Variants in TRPC4AP observed in about 807,000 individuals in gnomAD.
The protein encoded by TRPC4AP is transient receptor potential cation channel subfamily C member 4 associated protein.
Under a neutral mutation model 99.0 loss-of-function variants are expected in TRPC4AP, and 45 were observed. That is an observed-to-expected ratio of 0.45 (90% CI 0.36 to 0.58). The LOEUF (loss-of-function observed/expected upper bound fraction) is 0.58. Ranked by LOEUF, TRPC4AP falls within the 20% of genes least tolerant of loss-of-function variation. TRPC4AP has a pLI of 0.00. For missense variants in TRPC4AP, 879 were observed against 985.3 expected (o/e 0.89, Z 1.44); for synonymous variants, 408 against 385.8 (o/e 1.06, Z -0.67).
intron 2 of TRPC4AP, among the ~76,000 whole-genome samples, chr20:35,071,088 CTA>C (rs1279570575): frequency 6.6e-6 from 1 of 152,120 alleles, no homozygotes; most frequent in East Asian, 1.9e-4. Context: ...ATAATTATTT[CTA>C]TCAGACTGTG....
In TRPC4AP at chr20:35,016,050, G is replaced by A; in HGVS notation, c.1308C>T (p.Ala436=). Residue 436 remains alanine, a synonymous_variant, in exon 10 of 19, where the codon GCC becomes GCT. Coordinates refer to ENST00000252015, the MANE Select transcript of TRPC4AP (RefSeq NM_015638.3). The part of the protein sequence containing the change: ...KLIWRKHSAS[A]LVLHGHNQNC... ...TCTGGTTGTGACCATGGAGGACAAGGGCAGATGCTGAATGCTTCCTCCAAA... is the reference window on the plus strand; with the variant it reads ...TCTGGTTGTGACCATGGAGGACAAGAGCAGATGCTGAATGCTTCCTCCAAA... 3 of 1,614,102 alleles carry A rather than the reference G, an allele frequency of 1.9e-6. No individual in the cohort carries two copies. Among genetic ancestry groups the A allele is most frequent in the Non-Finnish European group, 2.5e-6 (3 of 1,180,034 alleles).
intron 2 of TRPC4AP, among the ~76,000 whole-genome samples, chr20:35,073,065 C>A (rs1367799613): frequency 6.6e-6 from 1 of 152,236 alleles, no homozygotes; most frequent in African/African-American, 2.4e-5. Flanking sequence ...GGAGTTCACT[C>A]ATGATTTGGC....
intron 3 of TRPC4AP, among the ~76,000 whole-genome samples, chr20:35,063,650 G>A (rs75165171): frequency 0.082 from 12,491 of 152,108 alleles, 594 homozygotes; most frequent in South Asian, 0.13. Context: ...TTTGAGACCA[G>A]GAGTTGGAGA....
At chr20:35,064,376 T>C (rs1252203398) in intron 3 of TRPC4AP, among the ~76,000 whole-genome samples, 1 of 152,250 alleles carries the variant, frequency 6.6e-6, no homozygotes, top group Non-Finnish European at 1.5e-5. Context: ...ACAGTTCAGC[T>C]TGAGGGTCTG....
At chr20:35,069,225 C>G in intron 3 of TRPC4AP, 71 bp downstream of exon 3, 1 of 847,468 alleles carries the variant, frequency 1.2e-6, no homozygotes, top group South Asian at 1.7e-5. Flanking sequence ...TCCTATCTCC[C>G]ATTTCAAAAG....
chr20:35,007,258 G>A (rs1000321760), intron 14 of TRPC4AP, among the ~76,000 whole-genome samples: 2 of 152,172 alleles, frequency 1.3e-5, no homozygotes, highest in African/African-American at 4.8e-5. Flanking sequence ...TTCAATAAAG[G>A]AAAATTAACT....
At chr20:35,047,867 G>A (rs1421606686) in intron 6 of TRPC4AP, among the ~76,000 whole-genome samples, 3 of 152,184 alleles carry the variant, frequency 2.0e-5, no homozygotes, top group East Asian at 3.9e-4. Flanking sequence ...GTAACCCATG[G>A]CAAAATACTG....
chr20:35,029,436 A>G (rs2083113235), intron 8 of TRPC4AP, among the ~76,000 whole-genome samples: 1 of 152,132 alleles, frequency 6.6e-6, no homozygotes, highest in Non-Finnish European at 1.5e-5. Flanking sequence ...TGAATTGTTA[A>G]ATCTATTCAC....
At chr20:35,049,398 A>G (rs183040983) in intron 6 of TRPC4AP, among the ~76,000 whole-genome samples, 56 of 152,318 alleles carry the variant, frequency 3.7e-4, no homozygotes, top group Admixed American at 5.9e-4. Flanking sequence ...GAGAAAAAAT[A>G]GAGGCGGACT....
intron 7 of TRPC4AP, among the ~76,000 whole-genome samples, chr20:35,043,604 C>T (rs10875492): frequency 0.59 from 89,241 of 151,962 alleles, 27,190 homozygotes; most frequent in Middle Eastern, 0.74. Context: ...ACAGTGGATA[C>T]CTGAAATGGC....
chr20:35,069,957 G>C (rs777710962), intron 2 of TRPC4AP, among the ~76,000 whole-genome samples: 2 of 151,946 alleles, frequency 1.3e-5, no homozygotes, highest in Non-Finnish European at 2.9e-5. Context: ...AAAATAAAAA[G>C]CCTGACAGAC....
At chr20:35,090,194 ACTAAG>A (rs1344877931) in intron 1 of TRPC4AP, among the ~76,000 whole-genome samples, 58 of 150,246 alleles carry the variant, frequency 3.9e-4, no homozygotes, top group African/African-American at 1.4e-3. Context: ...AAAAAAAAAA[ACTAAG>A]AAAAGAAATA....
chr20:35,045,382 CTTTT>C (rs950656621), intron 6 of TRPC4AP, among the ~76,000 whole-genome samples: 2 of 152,182 alleles, frequency 1.3e-5, no homozygotes, highest in Non-Finnish European at 1.5e-5. Context: ...TCATCTCTCT[CTTTT>C]AAGAGACAGG....
intron 1 of TRPC4AP, among the ~76,000 whole-genome samples, chr20:35,088,275 A>G (rs1011435248): frequency 6.6e-6 from 1 of 152,278 alleles, no homozygotes; most frequent in Non-Finnish European, 1.5e-5. Flanking sequence ...ACTGAGGCAT[A>G]AACAGATTAA....
chr20:35,058,222 C>T (rs1255874591), intron 3 of TRPC4AP, among the ~76,000 whole-genome samples: 2 of 152,136 alleles, frequency 1.3e-5, no homozygotes, highest in Non-Finnish European at 2.9e-5. Flanking sequence ...AAAAGTTGGA[C>T]ACGTTAATAA....
chr20:35,084,267 C>T (rs1031849669), intron 1 of TRPC4AP, among the ~76,000 whole-genome samples: 18 of 148,848 alleles, frequency 1.2e-4, no homozygotes, highest in Admixed American at 9.4e-4. Context: ...AGACTCCGTC[C>T]CAAAAAAAAA....
chr20:35,015,861 G>A (rs2082743203), intron 10 of TRPC4AP, 147 bp downstream of exon 10: 4 of 985,894 alleles, frequency 4.1e-6, no homozygotes, highest in Non-Finnish European at 5.9e-6. Context: ...CTACTCCAAG[G>A]TAGCTTCCAA....
chr20:35,077,896 G>A (rs2084525729), intron 2 of TRPC4AP, 150 bp downstream of exon 2: 1 of 822,600 alleles, frequency 1.2e-6, no homozygotes, highest in African/African-American at 1.7e-5. Context: ...TTTCTTCTTT[G>A]TACTTTTTCT....
intron 6 of TRPC4AP, among the ~76,000 whole-genome samples, chr20:35,046,412 T>C (rs930770882): frequency 9.9e-5 from 15 of 152,238 alleles, no homozygotes; most frequent in African/African-American, 3.6e-4. Context: ...ACTAATTTAC[T>C]TCCACTGGAT....
Sources: gnomAD v4.1 joint callset for allele counts (sites outside exome capture counted in the v4.1 genomes callset) on GRCh38, gnomAD v4.1.1 for gene constraint, MANE v1.5 for transcripts, NCBI Gene and HGNC (gene_info 2026-07-23, HGNC 2026-07-21) for gene names.